Variants in GSE1 observed in about 807,000 individuals in gnomAD.
GSE1 encodes genetic suppressor element 1.
A neutral mutation model predicts 112.6 loss-of-function variants in GSE1; 32 were observed. That is an observed-to-expected ratio of 0.28 (90% confidence interval 0.21 to 0.38). The LOEUF (loss-of-function observed/expected upper bound fraction) is 0.38, where lower values mean the gene tolerates loss of function less well. Among genes scored for constraint, GSE1 ranks in the 10% least tolerant of loss-of-function variants. GSE1 has a pLI of 1.00. For missense variants in GSE1, 2,348 were observed against 1,699.2 expected, an observed-to-expected ratio of 1.38 and a Z score of -6.71; for synonymous variants, 1,115 against 735.6, an observed-to-expected ratio of 1.52 and a Z score of -8.35.
intron 2 of GSE1, among the ~76,000 whole-genome samples, chr16:85,460,599 G>A (rs376589919): frequency 6.6e-5 from 10 of 152,352 alleles, no homozygotes; most frequent in African/African-American, 2.2e-4. Flanking sequence ...TCGGGTGAAT[G>A]AGGCCTCGGC....
At chr16:85,492,882 CAG>C (rs1044137456) in intron 2 of GSE1, among the ~76,000 whole-genome samples, 4 of 152,164 alleles carry the variant, frequency 2.6e-5, no homozygotes, top group Non-Finnish European at 5.9e-5. Flanking sequence ...GAGCAGGTGA[CAG>C]AGCAGGGACA....
chr16:85,504,408 G>T (rs950059859), intron 2 of GSE1, among the ~76,000 whole-genome samples: 6 of 152,344 alleles, frequency 3.9e-5, no homozygotes, highest in Middle Eastern at 3.4e-3. Context: ...CCAAAGCTGG[G>T]TGTGAGGACA....
chr16:85,260,324 T>TC (rs1179330079), intron 1 of GSE1, among the ~76,000 whole-genome samples: 135 of 105,774 alleles, frequency 1.3e-3, no homozygotes, highest in African/African-American at 4.7e-3. Context: ...CTTTTCTTTT[T>TC]TTTTTTTTTT....
intron 1 of GSE1, among the ~76,000 whole-genome samples, chr16:85,220,836 C>T (rs960939212): frequency 5.3e-5 from 8 of 152,106 alleles, no homozygotes; most frequent in African/African-American, 1.9e-4. Context: ...TCACTCTCTC[C>T]CACCACTTCC....
intron 1 of GSE1, among the ~76,000 whole-genome samples, chr16:85,308,987 A>T (rs750265071): frequency 2.0e-5 from 3 of 150,878 alleles, no homozygotes; most frequent in Non-Finnish European, 4.4e-5. Context: ...GGTCACAAGG[A>T]CAGCCGTGGA....
chr16:85,589,796 TGA>T (rs1435526388), intron 1 of GSE1, among the ~76,000 whole-genome samples: 3 of 152,028 alleles, frequency 2.0e-5, no homozygotes, highest in East Asian at 1.9e-4. Flanking sequence ...TGAATATGTG[TGA>T]GACGTGTGTG....
intron 2 of GSE1, among the ~76,000 whole-genome samples, chr16:85,416,394 G>A (rs1334807211): frequency 6.6e-6 from 1 of 152,130 alleles, no homozygotes; most frequent in African/African-American, 2.4e-5. Flanking sequence ...CCCCCAAGTG[G>A]GAGCAAGTGG....
Position 85,668,131 on chromosome 16 carries a change from C to G in GSE1, c.3131-9C>G, listed in dbSNP as rs201594149. 1 of 1,557,516 alleles carries G rather than the reference C, an allele frequency of 6.4e-7. No individual in the cohort carries two copies. The highest frequency in any genetic ancestry group is 8.7e-7 in the Non-Finnish European group (1 of 1,147,862). On this transcript the variant is annotated splice_polypyrimidine_tract_variant and intron_variant, in intron 13 of 15. Coordinates refer to ENST00000253458, the MANE Select transcript of GSE1 (RefSeq NM_014615.5). ...CAACACACTGATGCAAGCCCTGTCC[C>G]CTCCACAGGGAGCGTGGCTGTGCTG...
At chr16:85,365,075 T>G (rs537703122) in intron 2 of GSE1, among the ~76,000 whole-genome samples, 1 of 152,336 alleles carries the variant, frequency 6.6e-6, no homozygotes, top group Non-Finnish European at 1.5e-5. Flanking sequence ...GGCAGCCCTT[T>G]GCAGCCAGTG....
At chr16:85,515,413 A>C (rs2051896092) in intron 2 of GSE1, among the ~76,000 whole-genome samples, 1 of 152,216 alleles carries the variant, frequency 6.6e-6, no homozygotes, top group South Asian at 2.1e-4. Flanking sequence ...GGTGAGGAAG[A>C]AACACAACTG....
intron 1 of GSE1, among the ~76,000 whole-genome samples, chr16:85,252,081 G>A (rs1196630465): frequency 1.3e-5 from 2 of 152,170 alleles, no homozygotes; most frequent in East Asian, 3.9e-4. Flanking sequence ...GTCTGACTCC[G>A]GAGACCCAGG....
chr16:85,603,024 C>T (rs537474218), intron 1 of GSE1, among the ~76,000 whole-genome samples: 2 of 152,260 alleles, frequency 1.3e-5, no homozygotes, highest in Admixed American at 1.3e-4. Context: ...TGGCCGCTTT[C>T]CAGCCGAGTG....
At chr16:85,615,017 C>T (rs1313130017) in intron 1 of GSE1, among the ~76,000 whole-genome samples, 1 of 152,264 alleles carries the variant, frequency 6.6e-6, no homozygotes, top group Non-Finnish European at 1.5e-5. Context: ...TCGTCCTCTC[C>T]TCTGGGATTC....
At chr16:85,230,833 A>ATGGATG (rs1567625398) in intron 1 of GSE1, among the ~76,000 whole-genome samples, 4 of 150,122 alleles carry the variant, frequency 2.7e-5, no homozygotes, top group African/African-American at 9.8e-5. Flanking sequence ...GTGGAAGACT[A>ATGGATG]GATGGATGGA....
At chr16:85,545,477 C>T (rs1285460035) in intron 2 of GSE1, among the ~76,000 whole-genome samples, 1 of 152,116 alleles carries the variant, frequency 6.6e-6, no homozygotes, top group Non-Finnish European at 1.5e-5. Context: ...TTTGCCAGCT[C>T]CTACCACAGA....
At chr16:85,649,905 C>T (rs759409877) in intron 3 of GSE1, among the ~76,000 whole-genome samples, 2 of 152,160 alleles carry the variant, frequency 1.3e-5, no homozygotes, top group Non-Finnish European at 2.9e-5. Context: ...GGAAGGGAGC[C>T]AGCCTCAGTC....
chr16:85,251,141 C>G (rs1454480307), intron 1 of GSE1, among the ~76,000 whole-genome samples: 2 of 152,214 alleles, frequency 1.3e-5, no homozygotes, highest in African/African-American at 4.8e-5. Flanking sequence ...ACGCGCGTCT[C>G]CATCCCCTCA....
rs547359618 is a variant in GSE1, at chr16:85,461,417, C to G, written c.2464+103774C>G. Among the ~76,000 whole-genome samples, 45 of 152,326 alleles carry G rather than the reference C, an allele frequency of 3.0e-4. No homozygotes were observed. In the South Asian group the frequency reaches 9.1e-3, roughly 31 times the overall value. On this transcript the variant is annotated intron_variant, in intron 2 of 2. Coordinates refer to the GSE1 transcript ENST00000637419. ...AAAGGATCTCTACCTTGGCTGCGCA[C>G]TGGAAGCCCCCAGGGAGCTTTAGAA...
intron 2 of GSE1, among the ~76,000 whole-genome samples, chr16:85,385,686 C>T (rs1159809556): frequency 1.3e-5 from 2 of 152,204 alleles, no homozygotes; most frequent in African/African-American, 2.4e-5. Flanking sequence ...TTCACCTGCA[C>T]GTGTTTTCGC....
Sources: gnomAD v4.1 joint callset for allele counts (sites outside exome capture counted in the v4.1 genomes callset) on GRCh38, gnomAD v4.1.1 for gene constraint, MANE v1.5 for transcripts, NCBI Gene and HGNC (gene_info 2026-07-23, HGNC 2026-07-21) for gene names.